The following INVS variants were observed in gnomAD, a reference collection of about 807,000 sequenced individuals.
INVS encodes the protein inversin.
A neutral mutation model predicts 108.8 loss-of-function variants in INVS; 86 were observed. The observed-to-expected ratio is 0.79, with a 90% CI of 0.66 to 0.95. INVS has a LOEUF of 0.95. INVS is among the 40% of genes least tolerant of loss of function. INVS has a pLI of 0.00. For synonymous variants in INVS, 455 were observed against 473.5 expected, an observed-to-expected ratio of 0.96 and a Z score of 0.51; for missense variants, 1,169 against 1,297.4, an observed-to-expected ratio of 0.90 and a Z score of 1.52.
At chr9:100,277,900 C>G (rs1833157395) in intron 12 of INVS, among the ~76,000 whole-genome samples, 1 of 152,048 alleles carries the variant, frequency 6.6e-6, no homozygotes, top group African/African-American at 2.4e-5. Flanking sequence ...TGGAAATGAT[C>G]CAACAGAAGT....
chr9:100,264,005 T>C (rs1281225222), intron 10 of INVS, among the ~76,000 whole-genome samples: 1 of 152,208 alleles, frequency 6.6e-6, no homozygotes, highest in Non-Finnish European at 1.5e-5. Flanking sequence ...ATTTTGTCGA[T>C]TTTTCCCTTG....
intron 3 of INVS, among the ~76,000 whole-genome samples, chr9:100,205,957 G>A (rs1035159306): frequency 3.3e-5 from 5 of 152,022 alleles, no homozygotes; most frequent in African/African-American, 1.2e-4. Flanking sequence ...CATTTTACAG[G>A]AAACTAGATC....
intron 3 of INVS, among the ~76,000 whole-genome samples, chr9:100,142,513 G>A (rs554105430): frequency 6.6e-6 from 1 of 152,246 alleles, no homozygotes; most frequent in African/African-American, 2.4e-5. Context: ...ATGTCAGGTG[G>A]ATCAGAGAGA....
intron 5 of INVS, among the ~76,000 whole-genome samples, chr9:100,234,266 T>TAGTGGTC (rs1831609062): frequency 6.6e-6 from 1 of 152,188 alleles, no homozygotes; most frequent in Non-Finnish European, 1.5e-5. Context: ...GTTTTCTTCT[T>TAGTGGTC]TATTAGTCTG....
intron 2 of INVS, among the ~76,000 whole-genome samples, chr9:100,114,391 C>CTTTTTT (rs67549379): frequency 1.5e-4 from 10 of 64,856 alleles, no homozygotes; most frequent in African/African-American, 1.9e-4. Flanking sequence ...AGATTTCTTT[C>CTTTTTT]TTTTTTTTTT....
chr9:100,188,281 T>G (rs1308798093), intron 3 of INVS, among the ~76,000 whole-genome samples: 2 of 152,202 alleles, frequency 1.3e-5, no homozygotes, highest in East Asian at 3.8e-4. Flanking sequence ...GCTTTCTAAT[T>G]TTCCCCATTC....
chr9:100,251,496 C>G (rs1264471270), intron 8 of INVS, among the ~76,000 whole-genome samples: 1 of 152,212 alleles, frequency 6.6e-6, no homozygotes, highest in Non-Finnish European at 1.5e-5. Context: ...TTTAAAACCT[C>G]TGGACAGCAC....
intron 1 of INVS, chr9:100,102,905 T>A (rs1827045182): frequency 6.6e-6 from 1 of 152,400 alleles, no homozygotes; most frequent in South Asian, 2.1e-4. Context: ...CAGGCTGGAG[T>A]GCAGTGGTGC....
intron 6 of INVS, among the ~76,000 whole-genome samples, chr9:100,241,014 T>G (rs1831853693): frequency 6.6e-6 from 1 of 152,168 alleles, no homozygotes. Context: ...AAAATGCATC[T>G]ATTGATTCCC....
chr9:100,172,874 A>G (rs762885553), intron 3 of INVS, among the ~76,000 whole-genome samples: 1 of 152,328 alleles, frequency 6.6e-6, no homozygotes, highest in Non-Finnish European at 1.5e-5. Flanking sequence ...AATAGAGTGA[A>G]TTGGCTGCAT....
rs1209163748 is a variant in INVS, at chr9:100,298,004, A to G, written c.3085A>G (p.Asn1029Asp). Reference protein sequence around the residue: ...SVKASSVLRLNSVSNLQCIHL... With the variant: ...SVKASSVLRLDSVSNLQCIHL... ...AAAAGCCTCTTCTGTGCTGCGTCTC[A>G]ACTCAGGTAAGGCAGCCACTGCAAA... Residue 1029 changes from asparagine to aspartate, a missense_variant, in exon 16 of 17, where the codon AAC (asparagine) becomes GAC (aspartate). Physicochemically the swap from Asn to Asp is conservative, Grantham distance 23. Transcript: ENST00000262457. 4 of 1,614,134 alleles carry G rather than the reference A, an allele frequency of 2.5e-6. No homozygotes were observed. In the East Asian group the frequency reaches 8.9e-5, roughly 36 times the overall value.
At chr9:100,180,887 A>T (rs529769004) in intron 3 of INVS, among the ~76,000 whole-genome samples, 1 of 152,342 alleles carries the variant, frequency 6.6e-6, no homozygotes, top group South Asian at 2.1e-4. Flanking sequence ...TCAATAAAAT[A>T]CTGGCTAACT....
chr9:100,264,783 C>T (rs1480135843), intron 10 of INVS, 39 bp from the exon 11 acceptor site: 1 of 1,332,044 alleles, frequency 7.5e-7, no homozygotes, highest in East Asian at 2.3e-5. Context: ...TCCAAAAATA[C>T]TTACTCCAGA....
chr9:100,130,384 G>A (rs566990625), intron 3 of INVS: 2 of 152,286 alleles, frequency 1.3e-5, no homozygotes, highest in Admixed American at 1.3e-4. Flanking sequence ...GGAAGAGAAA[G>A]AGTGGAGATA....
At chr9:100,145,188 T>C (rs779852329) in intron 3 of INVS, among the ~76,000 whole-genome samples, 2 of 151,244 alleles carry the variant, frequency 1.3e-5, no homozygotes, top group African/African-American at 2.4e-5. Flanking sequence ...TTGCCCATAG[T>C]GAAGGAAGCA....
intron 10 of INVS, among the ~76,000 whole-genome samples, chr9:100,255,427 C>A (rs534280176): frequency 7.2e-4 from 109 of 152,266 alleles, no homozygotes; most frequent in Non-Finnish European, 1.3e-3. Flanking sequence ...CCTGATTGCC[C>A]TGGCCAGAAC....
At chr9:100,198,789 C>T (rs2118216059) in intron 3 of INVS, among the ~76,000 whole-genome samples, 1 of 152,090 alleles carries the variant, frequency 6.6e-6, no homozygotes, top group African/African-American at 2.4e-5. Flanking sequence ...GACAGGGTTT[C>T]ACCATGTTGG....
chr9:100,106,335 C>T (rs915653984), intron 2 of INVS, among the ~76,000 whole-genome samples: 5 of 152,116 alleles, frequency 3.3e-5, no homozygotes, highest in Admixed American at 2.6e-4. Flanking sequence ...TTTTTTCCCC[C>T]TCTGATTACT....
At chr9:100,162,898 G>A (rs1434708142) in intron 3 of INVS, among the ~76,000 whole-genome samples, 2 of 151,860 alleles carry the variant, frequency 1.3e-5, no homozygotes, top group Non-Finnish European at 2.9e-5. Flanking sequence ...CTACTTAAAA[G>A]GAGACCAACC....
Sources: allele counts gnomAD v4.1 joint callset (sites outside exome capture counted in the v4.1 genomes callset), GRCh38; gene constraint gnomAD v4.1.1; transcripts MANE v1.5; gene names NCBI Gene and HGNC (gene_info 2026-07-23, HGNC 2026-07-21).